PCSK5: variants seen among roughly 807,000 people sequenced by gnomAD.
PCSK5 encodes proprotein convertase subtilisin/kexin type 5.
A neutral mutation model predicts 233.2 loss-of-function variants in PCSK5; 129 were observed. The observed-to-expected ratio is 0.55, with a 90% confidence interval of 0.48 to 0.64. The LOEUF (loss-of-function observed/expected upper bound fraction) is 0.64. Among genes scored for constraint, PCSK5 ranks in the 30% least tolerant of loss-of-function variants. The probability of loss-of-function intolerance (pLI) is 0.00; values close to 1 mark genes in which losing one functional copy is unlikely to be tolerated. For missense variants in PCSK5, 2,076 were observed against 2,430.1 expected (o/e 0.85, Z 3.06); for synonymous variants, 825 against 879.2 (o/e 0.94, Z 1.09).
At chr9:76,174,914 A>G in intron 13 of PCSK5, 72 bp from the exon 14 acceptor site, 1 of 1,385,470 alleles carries the variant, frequency 7.2e-7, no homozygotes, top group Non-Finnish European at 9.9e-7. Context: ...TTGAGTGAGA[A>G]GGACTTAAAG....
chr9:76,009,612 C>T (rs1208418212), intron 3 of PCSK5, among the ~76,000 whole-genome samples: 2 of 147,730 alleles, frequency 1.4e-5, no homozygotes, highest in African/African-American at 5.0e-5. Flanking sequence ...GGCGACAGAG[C>T]GAGACTCCGT....
At chr9:76,278,909 A>G (rs1297968225) in intron 24 of PCSK5, among the ~76,000 whole-genome samples, 1 of 152,094 alleles carries the variant, frequency 6.6e-6, no homozygotes, top group Non-Finnish European at 1.5e-5. Flanking sequence ...TACATTGCAC[A>G]TGTTGCATTT....
chr9:76,336,335 C>A lies in PCSK5; in HGVS notation c.4749-1895C>A, dbSNP rs78177394. Among the ~76,000 whole-genome samples the A allele has an allele frequency of 2.8e-3, 429 of 152,130 alleles. 5 individuals are homozygous for A. The highest frequency in any genetic ancestry group is 8.3e-3 in the East Asian group (43 of 5,178). On this transcript the variant is annotated intron_variant, in intron 34 of 37. Transcript: ENST00000674117. ...CTACAAAAAAAAAGCCTATTGGGACCTGTAGTGTTGCACCAGAGAAAACAA... is the reference window on the plus strand; with the variant it reads ...CTACAAAAAAAAAGCCTATTGGGACATGTAGTGTTGCACCAGAGAAAACAA...
rs1300161175 is a variant in PCSK5 at position 76,074,988 on chromosome 9, G to C, written c.894+3090G>C. Among the ~76,000 whole-genome samples, 4 of 152,254 alleles carry C rather than the reference G, an allele frequency of 2.6e-5. No individual in the cohort carries two copies. In the East Asian group the frequency reaches 7.7e-4, roughly 29 times the overall value. On this transcript the variant is annotated intron_variant, in intron 7 of 37. Transcript: ENST00000674117. ...TAATCCCAACACTTTGGGAGGCCAA[G>C]GAGGGCGGATCACCTGAGGTCAGGA...
intron 1 of PCSK5, among the ~76,000 whole-genome samples, chr9:75,915,509 C>A (rs2131242250): frequency 6.6e-6 from 1 of 152,278 alleles, no homozygotes; most frequent in East Asian, 1.9e-4. Context: ...AGGCTTTAAA[C>A]CTATTTCACA....
intron 6 of PCSK5, among the ~76,000 whole-genome samples, chr9:76,071,280 A>G (rs1170119231): frequency 6.6e-6 from 1 of 152,200 alleles, no homozygotes; most frequent in Non-Finnish European, 1.5e-5. Flanking sequence ...TTAAATATGG[A>G]GGATACGAGA....
At chr9:76,059,858 T>A (rs1829963676) in intron 5 of PCSK5, among the ~76,000 whole-genome samples, 1 of 152,048 alleles carries the variant, frequency 6.6e-6, no homozygotes, top group African/African-American at 2.4e-5. Context: ...GAAAAATAGA[T>A]TGCCCAAATA....
intron 24 of PCSK5, among the ~76,000 whole-genome samples, chr9:76,262,018 C>G (rs1466947663): frequency 6.6e-6 from 1 of 152,124 alleles, no homozygotes; most frequent in Non-Finnish European, 1.5e-5. Context: ...GCCTAACTGA[C>G]CTGGCCAGAA....
upstream of PCSK5, among the ~76,000 whole-genome samples, chr9:75,890,154 G>A (rs1587313064): frequency 6.6e-6 from 1 of 152,298 alleles, no homozygotes; most frequent in Non-Finnish European, 1.5e-5. Flanking sequence ...TCTAGGAGTC[G>A]ATGCGACTTA....
intron 3 of PCSK5, among the ~76,000 whole-genome samples, chr9:75,993,933 C>T (rs950977819): frequency 6.6e-6 from 1 of 152,170 alleles, no homozygotes; most frequent in African/African-American, 2.4e-5. Flanking sequence ...TCCACATCCA[C>T]AGAAGAAAAG....
At chr9:75,908,942 TC>T (rs1196487250) in intron 1 of PCSK5, among the ~76,000 whole-genome samples, 1 of 31,562 alleles carries the variant, frequency 3.2e-5, no homozygotes, top group African/African-American at 9.8e-5. Context: ...TCTCTCTCTG[TC>T]TATCTATCTA....
In PCSK5 at chr9:76,328,146, C is replaced by T. The variant is rs373885798; in HGVS notation, c.4477C>T (p.Pro1493Ser). The T allele has an allele frequency of 1.1e-4, 175 of 1,612,732 alleles. No homozygotes were observed. The highest frequency in any genetic ancestry group is 1.5e-4 in the Non-Finnish European group (173 of 1,179,860). ...CTCCGAGTACTGGGATGAGGATGCT[C>T]CCGGGTGCAAGCCCTGCCATGTTAA... The part of the protein sequence containing the change: ...SPSEYWDEDA[P>S]GCKPCHVKCF... Residue 1493 changes from proline (P) to serine (S), a missense_variant, in exon 33 of 38, where the codon CCC (proline) becomes TCC (serine). Transcript: ENST00000674117.
At chr9:76,133,984 A>G (rs1822868645) in intron 9 of PCSK5, 125 bp from the exon 10 acceptor site, 1 of 656,550 alleles carries the variant, frequency 1.5e-6, no homozygotes. Flanking sequence ...CCAAACCCAA[A>G]TCTCTGACCC....
intron 5 of PCSK5, among the ~76,000 whole-genome samples, chr9:76,048,816 C>T (rs936837589): frequency 1.3e-5 from 2 of 152,094 alleles, no homozygotes; most frequent in African/African-American, 4.8e-5. Flanking sequence ...AGTATTCTTT[C>T]CAATGGTTAT....
chr9:76,323,312 T>G, intron 32 of PCSK5, 24 bp downstream of exon 32: 1 of 1,414,332 alleles, frequency 7.1e-7, no homozygotes, highest in Non-Finnish European at 1.0e-6. Context: ...GGATTCAAAA[T>G]AGGCTCCGGG....
chr9:76,242,874 T>C (rs776729854), intron 24 of PCSK5, among the ~76,000 whole-genome samples: 18 of 152,290 alleles, frequency 1.2e-4, no homozygotes, highest in Non-Finnish European at 2.5e-4. Context: ...GTGGGGCAAG[T>C]CTACCCAGCA....
intron 24 of PCSK5, among the ~76,000 whole-genome samples, chr9:76,264,204 G>A (rs541565853): frequency 8.3e-4 from 126 of 152,126 alleles, no homozygotes; most frequent in Non-Finnish European, 1.7e-3. Context: ...ATAAGCAATG[G>A]GGAAAGCACT....
In PCSK5 at chr9:76,295,381, T is replaced by C. The variant is rs769615883; in HGVS notation, c.3292T>C (p.Tyr1098His). 1 of 1,612,602 alleles carries C rather than the reference T, an allele frequency of 6.2e-7. No homozygotes were observed. Among genetic ancestry groups the C allele is most frequent in the East Asian group, 2.2e-5 (1 of 44,852 alleles). Reference sequence around the variant, plus strand: ...TGGCAGCTGTGACCAGAATGGGTGTTACTGGTGTGAAGAGGGCTTCTTTCT... The same window carrying C: ...TGGCAGCTGTGACCAGAATGGGTGTCACTGGTGTGAAGAGGGCTTCTTTCT... Reference protein sequence around the residue: ...NCGSCDQNGCYWCEEGFFLLG... With the variant: ...NCGSCDQNGCHWCEEGFFLLG... The change falls in exon 26 of 38, where the codon TAC (tyrosine) becomes CAC (histidine). Residue 1098 changes from tyrosine to histidine, a missense_variant. Transcript: ENST00000674117.
chr9:76,263,341 C>A (rs1383340329), intron 24 of PCSK5, among the ~76,000 whole-genome samples: 10 of 152,078 alleles, frequency 6.6e-5, no homozygotes, highest in Non-Finnish European at 1.0e-4. Context: ...ATGTTTATTG[C>A]GGCTCTATTC....
Sources: gnomAD v4.1 joint callset for allele counts (sites outside exome capture counted in the v4.1 genomes callset) on GRCh38, gnomAD v4.1.1 for gene constraint, MANE v1.5 for transcripts, NCBI Gene and HGNC (gene_info 2026-07-23, HGNC 2026-07-21) for gene names.